The following PPTC7 variants were observed in gnomAD, a reference collection of about 807,000 sequenced individuals.
The protein encoded by PPTC7 is protein phosphatase targeting COQ7, also known as protein phosphatase PTC7 homolog.
Under a neutral mutation model 30.8 loss-of-function variants are expected in PPTC7, and 6 were observed. The ratio of observed to expected loss-of-function variants is 0.19; its 90% CI spans 0.11 to 0.38. The LOEUF (loss-of-function observed/expected upper bound fraction) is 0.38. PPTC7 is among the 10% of genes least tolerant of loss of function. The pLI, the probability that PPTC7 is intolerant of heterozygous loss-of-function variation, is 1.00. For synonymous variants in PPTC7, 163 were observed against 168.1 expected (o/e 0.97, Z 0.23); for missense variants, 218 against 404.8 (o/e 0.54, Z 3.96).
intron 5 of PPTC7, 28 bp from the exon 6 acceptor site, chr12:110,537,123 AT>A: frequency 6.4e-7 from 1 of 1,550,406 alleles, no homozygotes; most frequent in Non-Finnish European, 8.9e-7. Context: ...ACCTATCAGT[AT>A]ATTTTAAAAG....
chr12:110,565,048 G>C (rs1238508157), intron 1 of PPTC7, among the ~76,000 whole-genome samples: 1 of 150,486 alleles, frequency 6.6e-6, no homozygotes, highest in South Asian at 2.1e-4. Context: ...TTCATTTTTT[G>C]AATTTTTAGT....
At chr12:110,542,548 G>A (rs1043526041) in intron 3 of PPTC7, among the ~76,000 whole-genome samples, 1 of 151,718 alleles carries the variant, frequency 6.6e-6, no homozygotes. Context: ...GTGCACACCT[G>A]TAATTCCAGC....
At chr12:110,564,524 A>G (rs2064463904) in intron 1 of PPTC7, among the ~76,000 whole-genome samples, 1 of 152,134 alleles carries the variant, frequency 6.6e-6, no homozygotes. Flanking sequence ...GACAAGCCAT[A>G]TATCCTTGAC....
In PPTC7 at chr12:110,551,832, G is replaced by A. The variant is rs1490657944; in HGVS notation, c.360C>T (p.Thr120=). ...TTTGCAGCAACTCACAGTAGCTTGT[G>A]GTGAGAATTCCAATGGGATTACTAG... ...FVPSNPIGIL[T]TSYCELLQNK... is the part of the protein sequence containing the mutation. The change falls in exon 2 of 6, where the codon ACC becomes ACT. Residue 120 remains threonine (T), a synonymous_variant. Transcript: ENST00000354300. 3.7e-6 allele frequency: 6 copies of A among 1,614,016 alleles called. No individual in the cohort carries two copies. The highest frequency in any genetic ancestry group is 2.2e-5 in the East Asian group (1 of 44,900).
chr12:110,582,775 A>G (rs755077238), intron 1 of PPTC7, 34 bp downstream of exon 1: 37 of 1,506,170 alleles, frequency 2.5e-5, no homozygotes, highest in Non-Finnish European at 2.9e-5. Context: ...GGCGGATCCG[A>G]GGCTGGGGCA....
intron 1 of PPTC7, among the ~76,000 whole-genome samples, chr12:110,569,007 G>C (rs781371624): frequency 6.6e-6 from 1 of 151,392 alleles, no homozygotes; most frequent in East Asian, 2.0e-4. Context: ...CTCCAGCCTG[G>C]GCAACACAGC....
At chr12:110,562,938 A>G (rs2064450496) in intron 1 of PPTC7, among the ~76,000 whole-genome samples, 1 of 151,964 alleles carries the variant, frequency 6.6e-6, no homozygotes, top group Non-Finnish European at 1.5e-5. Flanking sequence ...CCTGGCCAAC[A>G]TGGCAAAACC....
chr12:110,572,689 C>A (rs1324113076), intron 1 of PPTC7, among the ~76,000 whole-genome samples: 1 of 152,046 alleles, frequency 6.6e-6, no homozygotes, highest in African/African-American at 2.4e-5. Context: ...ACCAACAATT[C>A]AATCCATTCT....
intron 1 of PPTC7, among the ~76,000 whole-genome samples, chr12:110,567,227 T>C (rs1469418351): frequency 3.9e-5 from 6 of 152,172 alleles, no homozygotes; most frequent in Admixed American, 2.6e-4. Context: ...TTCCCCACCC[T>C]TGCTGCACAA....
In PPTC7 at chr12:110,554,756, C is replaced by T. The variant is rs79719893; in HGVS notation, c.224-2788G>A. 6.9e-3 allele frequency among the ~76,000 whole-genome samples: 1,043 copies of T among 152,226 alleles called. 1 individual carries two copies. The highest frequency in any genetic ancestry group is 9.4e-3 in the Non-Finnish European group (637 of 68,022). ...AAAACCAATTTCTATCTACTAAATTCAAAGACACTGAGAGAAAATGTCAAA... is the reference window on the plus strand; with the variant it reads ...AAAACCAATTTCTATCTACTAAATTTAAAGACACTGAGAGAAAATGTCAAA... On this transcript the variant is annotated intron_variant, in intron 1 of 5. Coordinates refer to ENST00000354300, the MANE Select transcript of PPTC7 (RefSeq NM_139283.2).
chr12:110,559,290 A>G (rs1324205294), intron 1 of PPTC7, among the ~76,000 whole-genome samples: 2 of 152,126 alleles, frequency 1.3e-5, no homozygotes, highest in African/African-American at 4.8e-5. Flanking sequence ...TCAGTCTCCC[A>G]AAGTGCTGGG....
intron 1 of PPTC7, among the ~76,000 whole-genome samples, chr12:110,570,186 C>T (rs1213349417): frequency 6.7e-6 from 1 of 148,678 alleles, no homozygotes; most frequent in Non-Finnish European, 1.5e-5. Flanking sequence ...CCCATGCTCT[C>T]TGAAACGTGT....
rs753057414 is a variant in PPTC7, at chr12:110,538,267, T to C, written c.733A>G (p.Asn245Asp). The stretch of plus-strand genomic sequence containing the variant: ...GCAGTCTGTTGTATACTCTCATAAT[T>C]TGAATTCTAAGATAAAGCATGAGGA... ...LQELKKLKNS[N>D]YESIQQTARS... Residue 245 changes from asparagine (N) to aspartate (D), a missense_variant, in exon 5 of 6, where the codon AAT becomes GAT. By Grantham distance (23) the Asn-to-Asp change is conservative. Transcript: ENST00000354300. The C allele has an allele frequency of 1.4e-5, 22 of 1,613,904 alleles. No homozygotes were observed. Among genetic ancestry groups the C allele is most frequent in the Middle Eastern group, 1.6e-4 (1 of 6,082 alleles).
chr12:110,574,454 C>G (rs1042890590), intron 1 of PPTC7, among the ~76,000 whole-genome samples: 2 of 152,066 alleles, frequency 1.3e-5, no homozygotes, highest in Non-Finnish European at 2.9e-5. Context: ...AAGAATGAAG[C>G]ATTTTTACTC....
intron 1 of PPTC7, among the ~76,000 whole-genome samples, chr12:110,576,803 A>T (rs1435934561): frequency 6.6e-6 from 1 of 152,182 alleles, no homozygotes; most frequent in Non-Finnish European, 1.5e-5. Context: ...GTGAATGTAA[A>T]AACTACTGAA....
At chr12:110,566,058 G>A (rs2064480441) in intron 1 of PPTC7, among the ~76,000 whole-genome samples, 1 of 152,156 alleles carries the variant, frequency 6.6e-6, no homozygotes, top group South Asian at 2.1e-4. Context: ...AGGGTTCCAA[G>A]AGCAGGGAAA....
In PPTC7 at chr12:110,582,827, G is replaced by T; in HGVS notation, c.205C>A (p.Arg69Ser). 6.4e-7 allele frequency: 1 copy of T among 1,563,190 alleles called. No individual in the cohort carries two copies. Among genetic ancestry groups the T allele is most frequent in the Middle Eastern group, 1.8e-4 (1 of 5,526 alleles). ...GDDACFVARH[R>S]SADVLGVADG... The stretch of plus-strand genomic sequence containing the variant: ...GACTCACCGAGCACGTCCGCGGAAC[G>T]GTGCCGGGCCACGAAGCACGCGTCG... The change falls in exon 1 of 6, where the codon CGT becomes AGT. Residue 69 changes from arginine to serine, a missense_variant. Transcript: ENST00000354300.
At chr12:110,554,846 T>C (rs1047934039) in intron 1 of PPTC7, among the ~76,000 whole-genome samples, 4 of 152,216 alleles carry the variant, frequency 2.6e-5, no homozygotes, top group African/African-American at 9.6e-5. Flanking sequence ...TTAGCAATGG[T>C]TGCTTTAGAA....
chr12:110,571,242 C>CA (rs1297310169), intron 1 of PPTC7, among the ~76,000 whole-genome samples: 1 of 151,614 alleles, frequency 6.6e-6, no homozygotes, highest in Non-Finnish European at 1.5e-5. Flanking sequence ...AAAGTATCTA[C>CA]AAAAAATCTA....
Sources: allele counts gnomAD v4.1 joint callset (sites outside exome capture counted in the v4.1 genomes callset), GRCh38; gene constraint gnomAD v4.1.1; transcripts MANE v1.5; gene names NCBI Gene and HGNC (gene_info 2026-07-23, HGNC 2026-07-21).